The following ENPP1 variants were observed in gnomAD, a reference collection of about 807,000 sequenced individuals.
ENPP1 encodes ectonucleotide pyrophosphatase/phosphodiesterase family member 1.
A neutral mutation model predicts 122.8 loss-of-function variants in ENPP1; 73 were observed. The observed-to-expected ratio is 0.59, with a 90% CI of 0.49 to 0.72. The LOEUF is 0.72. ENPP1 is among the 30% of genes least tolerant of loss of function. The pLI is 0.00. For synonymous variants in ENPP1, 367 were observed against 391.6 expected (o/e 0.94, Z 0.74); for missense variants, 978 against 1,128.1 (o/e 0.87, Z 1.91).
intron 1 of ENPP1, among the ~76,000 whole-genome samples, chr6:131,847,375 C>G (rs903432934): frequency 6.6e-6 from 1 of 152,054 alleles, no homozygotes; most frequent in Non-Finnish European, 1.5e-5. Flanking sequence ...TTTGAGTAAA[C>G]TTTTTATTAA....
intron 1 of ENPP1, chr6:131,820,160 T>C (rs1425886034): frequency 3.3e-6 from 1 of 304,426 alleles, no homozygotes. Flanking sequence ...AGAATTTTGG[T>C]GTGGTTTTAA....
chr6:131,818,872 A>C (rs1246839454), intron 1 of ENPP1, among the ~76,000 whole-genome samples: 6 of 152,152 alleles, frequency 3.9e-5, no homozygotes, highest in Non-Finnish European at 5.9e-5. Flanking sequence ...AGAACTGACA[A>C]GCTTTTTATT....
chr6:131,878,474 C>T (rs367912883), intron 18 of ENPP1, 68 bp from the exon 19 acceptor site: 102 of 890,962 alleles, frequency 1.1e-4, no homozygotes, highest in Non-Finnish European at 1.6e-4. Flanking sequence ...CAATCTATAG[C>T]GGTTCTATGT....
Position 131,850,039 on chromosome 6 carries a change from C to T in ENPP1, c.363C>T (p.Arg121=). ...RCFERTFGNC[R]CDAACVELGN... ...TCGAGAGAACATTTGGGAACTGTCGCTGTGATGCTGCCTGTGTTGAGCTTG... is the reference window on the plus strand; with the variant it reads ...TCGAGAGAACATTTGGGAACTGTCGTTGTGATGCTGCCTGTGTTGAGCTTG... The change falls in exon 3 of 25, where the codon CGC becomes CGT. Residue 121 remains arginine, a synonymous_variant. Coordinates refer to ENST00000647893, the MANE Select transcript of ENPP1 (RefSeq NM_006208.3). The T allele has an allele frequency of 1.9e-6, 3 of 1,614,024 alleles. No individual in the cohort carries two copies. The highest frequency in any genetic ancestry group is 2.5e-6 in the Non-Finnish European group (3 of 1,179,970).
chr6:131,879,188 G>A (rs1427836008), intron 19 of ENPP1, among the ~76,000 whole-genome samples: 2 of 152,064 alleles, frequency 1.3e-5, no homozygotes, highest in Admixed American at 1.3e-4. Context: ...AAATCCCTAG[G>A]TAAATGCTGG....
chr6:131,820,654 A>G (rs1781473418), intron 1 of ENPP1: 1 of 152,226 alleles, frequency 6.6e-6, no homozygotes, highest in African/African-American at 2.4e-5. Context: ...AAATACTTCT[A>G]CATCTCCTAC....
rs868482403 is a variant in ENPP1, at chr6:131,826,984, C to T, written c.240+18709C>T. The T allele has an allele frequency of 3.1e-5, 14 of 452,788 alleles. No homozygotes were observed. In the Middle Eastern group the frequency reaches 1.4e-3, roughly 45 times the overall value. The allele number at this position is 452,788 out of a possible 1,614,324, so 28.0% of individuals were successfully genotyped here. On this transcript the variant is annotated intron_variant, in intron 1 of 24. Coordinates refer to ENST00000647893, the MANE Select transcript of ENPP1 (RefSeq NM_006208.3). Reference sequence around the variant, plus strand: ...AAAATTCTGCTCCAAAAAGCCAGTGCAGGATGGTCTACTACCAGAGATGAA... The same window carrying T: ...AAAATTCTGCTCCAAAAAGCCAGTGTAGGATGGTCTACTACCAGAGATGAA...
chr6:131,879,167 T>G (rs1782270840), intron 19 of ENPP1, among the ~76,000 whole-genome samples: 1 of 152,182 alleles, frequency 6.6e-6, no homozygotes, highest in Non-Finnish European at 1.5e-5. Context: ...TGATGTAAGT[T>G]TGTCTCTATA....
chr6:131,867,996 G>A (rs765694824), intron 11 of ENPP1, 22 bp from the exon 12 acceptor site: 7 of 1,473,324 alleles, frequency 4.8e-6, no homozygotes, highest in Non-Finnish European at 5.7e-6. Context: ...TATCACATGA[G>A]GTTGTTGCTT....
intron 24 of ENPP1, among the ~76,000 whole-genome samples, chr6:131,889,608 CTTAAT>C (rs1340062268): frequency 6.6e-6 from 1 of 152,122 alleles, no homozygotes; most frequent in East Asian, 1.9e-4. Context: ...ACCACATTTT[CTTAAT>C]TTAGTCTATC....
intron 22 of ENPP1, among the ~76,000 whole-genome samples, chr6:131,884,124 G>C (rs1487308863): frequency 6.6e-6 from 1 of 152,062 alleles, no homozygotes; most frequent in Non-Finnish European, 1.5e-5. Flanking sequence ...CAAATGAATA[G>C]ATTTTACATC....
chr6:131,817,983 TA>T (rs35566552), intron 1 of ENPP1, among the ~76,000 whole-genome samples: 14,139 of 151,362 alleles, frequency 0.093, 807 homozygotes, highest in South Asian at 0.24. Context: ...TTGAGAGTCT[TA>T]AAAAAAAATC....
chr6:131,866,303 G>A (rs1782090978), intron 11 of ENPP1, among the ~76,000 whole-genome samples: 1 of 152,080 alleles, frequency 6.6e-6, no homozygotes, highest in African/African-American at 2.4e-5. Flanking sequence ...TCCCGCCCAG[G>A]TAGCCCAGGT....
At chr6:131,884,802 C>A in intron 22 of ENPP1, 129 bp from the exon 23 acceptor site, 2 of 1,142,936 alleles carry the variant, frequency 1.7e-6, no homozygotes, top group Non-Finnish European at 1.3e-6. Flanking sequence ...AAAACGAAGA[C>A]TGAAGCCAAA....
chr6:131,886,535 T>C, intron 23 of ENPP1, 27 bp from the exon 24 acceptor site: 1 of 1,562,354 alleles, frequency 6.4e-7, no homozygotes, highest in Non-Finnish European at 8.8e-7. Context: ...ATTTCTTTCT[T>C]AAAATGAATA....
At chr6:131,871,554 A>G (rs1414194040) in intron 13 of ENPP1, among the ~76,000 whole-genome samples, 1 of 152,214 alleles carries the variant, frequency 6.6e-6, no homozygotes, top group Non-Finnish European at 1.5e-5. Flanking sequence ...TTAAGCTTGG[A>G]TTATGTCTTC....
chr6:131,853,800 C>A (rs1273496405), intron 5 of ENPP1, among the ~76,000 whole-genome samples: 1 of 152,152 alleles, frequency 6.6e-6, no homozygotes, highest in Non-Finnish European at 1.5e-5. Context: ...AAGTTCCCTA[C>A]CACCTACCAT....
Position 131,879,945 on chromosome 6 carries a change from A to G in ENPP1, c.2011A>G (p.Ile671Val), listed in dbSNP as rs1210028231. The G allele has an allele frequency of 3.7e-6, 6 of 1,613,046 alleles. No homozygotes were observed. The highest frequency in any genetic ancestry group is 3.3e-5 in the Admixed American group (2 of 60,012). ...RPRVLQKENT[I>V]CLLSQHQFMS... Reference sequence around the variant, plus strand: ...TAGAGTTCTCCAGAAGGAAAACACCATCTGTCTTCTTTCCCAGCACCAGTT... The same window carrying G: ...TAGAGTTCTCCAGAAGGAAAACACCGTCTGTCTTCTTTCCCAGCACCAGTT... The change falls in exon 20 of 25, where the codon ATC (isoleucine) becomes GTC (valine). Residue 671 changes from isoleucine (I) to valine (V), a missense_variant. By Grantham distance (29) the Ile-to-Val change is conservative. Transcript: ENST00000647893.
At chr6:131,815,491 A>G (rs547270412) in intron 1 of ENPP1, among the ~76,000 whole-genome samples, 2 of 152,228 alleles carry the variant, frequency 1.3e-5, no homozygotes, top group East Asian at 3.9e-4. Flanking sequence ...ATACGTAGCT[A>G]CTGTTTCAAA....
Sources: gnomAD v4.1 joint callset for allele counts (sites outside exome capture counted in the v4.1 genomes callset) on GRCh38, gnomAD v4.1.1 for gene constraint, MANE v1.5 for transcripts, NCBI Gene and HGNC (gene_info 2026-07-23, HGNC 2026-07-21) for gene names.